The following PHACTR2 variants were observed in gnomAD, a reference collection of about 807,000 sequenced individuals.
The protein encoded by PHACTR2 is phosphatase and actin regulator 2, also known as chromosome 6 open reading frame 56.
In PHACTR2, 30 loss-of-function variants were observed where a neutral mutation model predicts 76.0. The observed-to-expected ratio is 0.39, with a 90% CI of 0.30 to 0.54. The LOEUF (loss-of-function observed/expected upper bound fraction) is 0.54. Among genes scored for constraint, PHACTR2 ranks in the 20% least tolerant of loss-of-function variants. The pLI is 0.61. For missense variants in PHACTR2, 696 were observed against 781.1 expected (o/e 0.89, Z 1.30); for synonymous variants, 292 against 292.5 (o/e 1.00, Z 0.02).
At chr6:143,609,769 C>T (rs1315253464) in intron 1 of PHACTR2, among the ~76,000 whole-genome samples, 1 of 152,100 alleles carries the variant, frequency 6.6e-6, no homozygotes, top group Non-Finnish European at 1.5e-5. Flanking sequence ...CCTTTTTAAA[C>T]TGACTCATAT....
In PHACTR2 at chr6:143,775,068, A is replaced by G. The variant is rs1582868377; in HGVS notation, c.1589+853A>G. ...CAGAGCAGGATTTGGAGGTGGGGGG[A>G]AAATTGCTGTCCTTGCTTGGAAGTG... On this transcript the variant is annotated intron_variant, in intron 8 of 12. Coordinates refer to ENST00000440869, the MANE Select transcript of PHACTR2 (RefSeq NM_001100164.2). The surrounding 1 kb of genome is among the most constrained non-coding windows in gnomAD (Gnocchi z 4.4). Among the ~76,000 whole-genome samples, 1 of 152,070 alleles carries G rather than the reference A, an allele frequency of 6.6e-6. No homozygotes were observed. The highest frequency in any genetic ancestry group is 2.4e-5 in the African/African-American group (1 of 41,386).
chr6:143,553,406 A>T lies in PHACTR2; in HGVS notation c.217+16199A>T, dbSNP rs1562681647. Among the ~76,000 whole-genome samples, 1 of 152,198 alleles carries T rather than the reference A, an allele frequency of 6.6e-6. No homozygotes were observed. Among genetic ancestry groups the T allele is most frequent in the Non-Finnish European group, 1.5e-5 (1 of 68,040 alleles). The stretch of plus-strand genomic sequence containing the variant: ...GTTCAGTAAATTCACGGAAGTGAAA[A>T]TATCATACAAACCAGGAAGAGGGGA... On this transcript the variant is annotated intron_variant, in intron 1 of 11. Transcript: ENST00000367584. This position sits in a 1 kb window ranked among gnomAD's most constrained non-coding sequence, Gnocchi z 4.2.
intron 10 of PHACTR2, among the ~76,000 whole-genome samples, chr6:143,788,381 A>T (rs943545680): frequency 6.6e-6 from 1 of 152,204 alleles, no homozygotes; most frequent in Non-Finnish European, 1.5e-5. Context: ...ATTTCTAAAA[A>T]TTCCATGGCT....
rs1360516520 is a variant in PHACTR2, at chr6:143,678,828, G to A, written c.46+619G>A. ...GGACTAAAGTTAGTTTTATGGAGAC[G>A]TGTGTAACGTGTCTGAGTTCTAATG... On this transcript the variant is annotated intron_variant, in intron 1 of 12. Transcript: ENST00000440869. The surrounding 1 kb of genome is among the most constrained non-coding windows in gnomAD (Gnocchi z 6.2). 6.6e-6 allele frequency among the ~76,000 whole-genome samples: 1 copy of A among 152,072 alleles called. No individual in the cohort carries two copies. Among genetic ancestry groups the A allele is most frequent in the Admixed American group, 6.5e-5 (1 of 15,280 alleles).
chr6:143,625,195 T>C lies in PHACTR2; in HGVS notation c.13+16873T>C, dbSNP rs1165786590. On this transcript the variant is annotated intron_variant, in intron 1 of 11. Transcript: ENST00000305766. The surrounding 1 kb of genome is among the most constrained non-coding windows in gnomAD (Gnocchi z 4.3). ...AAAGTATAGTCAAGGAATATGGTGT[T>C]ATGAATATTTGCTGAGGGCATCATG... Among the ~76,000 whole-genome samples, 1 of 152,052 alleles carries C rather than the reference T, an allele frequency of 6.6e-6. No homozygotes were observed. The highest frequency in any genetic ancestry group is 1.5e-5 in the Non-Finnish European group (1 of 68,006).
rs2128446960 is a variant in PHACTR2 at position 143,654,856 on chromosome 6, A to G, written c.13+46534A>G. ...ATTGATACATGCCACAACATGGACG[A>G]CTCTTAAAAACATCATGCTAGCCGG... is the stretch of plus-strand genomic sequence containing the variant. On this transcript the variant is annotated intron_variant, in intron 1 of 11. Transcript: ENST00000305766. The surrounding 1 kb of genome is among the most constrained non-coding windows in gnomAD (Gnocchi z 4.6). Among the ~76,000 whole-genome samples the G allele has an allele frequency of 6.7e-6, 1 of 150,288 alleles. No homozygotes were observed. The highest frequency in any genetic ancestry group is 2.0e-4 in the East Asian group (1 of 4,956).
upstream of PHACTR2, among the ~76,000 whole-genome samples, chr6:143,674,641 C>A (rs1777210101): frequency 6.6e-6 from 1 of 152,128 alleles, no homozygotes; most frequent in Non-Finnish European, 1.5e-5. The surrounding 1 kb of genome is among the most constrained non-coding windows in gnomAD (Gnocchi z 4.9). Flanking sequence ...ATAATTCCTC[C>A]ACCCCTAACA....
intron 2 of PHACTR2, among the ~76,000 whole-genome samples, chr6:143,719,454 A>T (rs1291961974): frequency 2.0e-5 from 3 of 146,956 alleles, no homozygotes; most frequent in Non-Finnish European, 4.5e-5. Context: ...GGTTCAAGCA[A>T]TTCTCCTGCC....
chr6:143,690,630 T>G (rs1777623129), intron 1 of PHACTR2, among the ~76,000 whole-genome samples: 1 of 152,178 alleles, frequency 6.6e-6, no homozygotes, highest in South Asian at 2.1e-4. Flanking sequence ...GGATGAACGT[T>G]TTCCTTTTAT....
rs1315691600 is a variant in PHACTR2 at position 143,830,849 on chromosome 6, T to G, written c.*7160T>G. On this transcript the variant is annotated 3_prime_UTR_variant, in exon 13 of 13. Coordinates refer to ENST00000440869, the MANE Select transcript of PHACTR2 (RefSeq NM_001100164.2). ...TCCCCAGTTTTAGTTTGTTCCAGTT[T>G]CTCTTATATTTGGATAGTGCTCAGC... The G allele has an allele frequency of 6.6e-6, 1 of 152,196 alleles. No homozygotes were observed. The highest frequency in any genetic ancestry group is 1.5e-5 in the Non-Finnish European group (1 of 68,022). The allele number at this position is 152,196 out of a possible 1,614,324, so 9.4% of individuals were successfully genotyped here. A position where few individuals can be genotyped will look rare whatever the true frequency, so the allele number is the denominator to read the frequency against.
Position 143,619,366 on chromosome 6 carries a change from C to T in PHACTR2, c.13+11044C>T, listed in dbSNP as rs1165531165. ...TGAGACCCATTATCGGTCTAAGAAA[C>T]ATATAATGAAGCCACTCAGACAAAA... On this transcript the variant is annotated intron_variant, in intron 1 of 11. Transcript: ENST00000305766. The surrounding 1 kb of genome is among the most constrained non-coding windows in gnomAD (Gnocchi z 4.5). 6.6e-6 allele frequency among the ~76,000 whole-genome samples: 1 copy of T among 152,204 alleles called. No homozygotes were observed. The highest frequency in any genetic ancestry group is 2.4e-5 in the African/African-American group (1 of 41,460).
chr6:143,758,187 T>C (rs1779350251), intron 4 of PHACTR2, among the ~76,000 whole-genome samples: 1 of 152,244 alleles, frequency 6.6e-6, no homozygotes, highest in Non-Finnish European at 1.5e-5. Flanking sequence ...AGCTGGATTC[T>C]TTCCGGTATA....
At chr6:143,590,393 A>C (rs1035976355) in intron 1 of PHACTR2, among the ~76,000 whole-genome samples, 2 of 152,068 alleles carry the variant, frequency 1.3e-5, no homozygotes, top group African/African-American at 4.8e-5. Flanking sequence ...GTGACTTCAA[A>C]TGTGCTTTTG....
In PHACTR2 at chr6:143,640,501, AGTGAGC is replaced by A. The variant is rs570791535; in HGVS notation, c.13+32180_13+32185del. Among the ~76,000 whole-genome samples the A allele has an allele frequency of 6.7e-3, 1,026 of 152,338 alleles. 15 individuals carry two copies. The highest frequency in any genetic ancestry group is 0.023 in the African/African-American group (973 of 41,572). ...TATGGAAGTGCAGAGATGGAGGAGA[AGTGAGC>A]CAGGAGACGAGGCTGGAAGGTGAAG... On this transcript the variant is annotated intron_variant, in intron 1 of 11. Coordinates refer to the PHACTR2 transcript ENST00000305766.
chr6:143,765,660 T>C lies in PHACTR2; in HGVS notation c.1094T>C (p.Val365Ala). The change falls in exon 6 of 13, where the codon GTT becomes GCT. Residue 365 changes from valine to alanine, a missense_variant. By Grantham distance (64) the Val-to-Ala change is moderately conservative (BLOSUM62 0). Coordinates refer to ENST00000440869, the MANE Select transcript of PHACTR2 (RefSeq NM_001100164.2). This position sits in a 1 kb window ranked among gnomAD's most constrained non-coding sequence, Gnocchi z 4.1. ...DQCITASDTP[V>A]VLVSVGADLP... ...TGCATTACTGCCTCAGACACTCCAGTTGTCCTCGTCAGCGTTGGAGCTGAC... is the reference window on the plus strand; with the variant it reads ...TGCATTACTGCCTCAGACACTCCAGCTGTCCTCGTCAGCGTTGGAGCTGAC... 3.1e-6 allele frequency: 5 copies of C among 1,614,166 alleles called. No homozygotes were observed. The South Asian group carries it at 5.5e-5, about 18-fold the overall frequency.
chr6:143,676,693 T>C (rs1040943231), upstream of PHACTR2, among the ~76,000 whole-genome samples: 2 of 152,178 alleles, frequency 1.3e-5, no homozygotes, highest in Non-Finnish European at 2.9e-5. The surrounding 1 kb of genome is among the most constrained non-coding windows in gnomAD (Gnocchi z 4.8). Context: ...TTAGGATTAA[T>C]TTTATTGTCC....
chr6:143,593,305 G>A (rs916937473), intron 1 of PHACTR2, among the ~76,000 whole-genome samples: 1 of 145,254 alleles, frequency 6.9e-6, no homozygotes, highest in Non-Finnish European at 1.5e-5. Context: ...TAGGGTGATG[G>A]AAGGTCAGGA....
chr6:143,606,346 G>T (rs1775872367), upstream of PHACTR2, among the ~76,000 whole-genome samples: 1 of 152,120 alleles, frequency 6.6e-6, no homozygotes. Flanking sequence ...GTTAGGGAGT[G>T]CTTAATGGAC....
intron 2 of PHACTR2, among the ~76,000 whole-genome samples, chr6:143,746,886 C>A (rs1779079998): frequency 6.7e-6 from 1 of 150,308 alleles, no homozygotes; most frequent in African/African-American, 2.4e-5. Context: ...ATTGAAATTA[C>A]TAACCTTTAA....
Sources: gnomAD v4.1 joint callset for allele counts (sites outside exome capture counted in the v4.1 genomes callset) on GRCh38, gnomAD v4.1.1 for gene constraint, Gnocchi (gnomAD v3.1) non-coding constraint, MANE v1.5 for transcripts, NCBI Gene and HGNC (gene_info 2026-07-23, HGNC 2026-07-21) for gene names.